Variants in SEC24A observed in about 807,000 individuals in gnomAD.
SEC24A encodes the protein protein transport protein Sec24A.
Under a neutral mutation model 129.4 loss-of-function variants are expected in SEC24A, and 93 were observed. That is an observed-to-expected ratio of 0.72 (90% confidence interval 0.61 to 0.85). The LOEUF is 0.85. Among genes scored for constraint, SEC24A ranks in the 40% least tolerant of loss-of-function variants. The pLI is 0.00. For synonymous variants in SEC24A, 460 were observed against 467.3 expected (o/e 0.98, Z 0.20); for missense variants, 1,264 against 1,307.4 (o/e 0.97, Z 0.51).
At chr5:134,668,576 A>C (rs1750747318) in intron 3 of SEC24A, among the ~76,000 whole-genome samples, 1 of 152,200 alleles carries the variant, frequency 6.6e-6, no homozygotes. Flanking sequence ...AAATATAAAA[A>C]TTAGCCGGGC....
intron 20 of SEC24A, among the ~76,000 whole-genome samples, chr5:134,720,349 A>G (rs1191934380): frequency 6.6e-6 from 1 of 152,228 alleles, no homozygotes; most frequent in Non-Finnish European, 1.5e-5. Context: ...TAGCCTAGGT[A>G]CAGTAGGCTA....
chr5:134,694,459 A>G (rs967447813), intron 13 of SEC24A, among the ~76,000 whole-genome samples: 3 of 152,056 alleles, frequency 2.0e-5, no homozygotes, highest in Non-Finnish European at 4.4e-5. Context: ...GGAGATCGAG[A>G]CCACGGTGAA....
chr5:134,693,619 T>G, intron 12 of SEC24A, 108 bp from the exon 13 acceptor site: 2 of 1,467,288 alleles, frequency 1.4e-6, no homozygotes, highest in Non-Finnish European at 1.8e-6. Flanking sequence ...CTGTAGATTC[T>G]CTGACCATCA....
Position 134,692,604 on chromosome 5 carries a change from G to A in SEC24A, c.1726G>A (p.Val576Ile). The change falls in exon 12 of 23, where the codon GTT becomes ATT. Residue 576 changes from valine to isoleucine, a missense_variant and splice_region_variant. Physicochemically the swap from Val to Ile is conservative, Grantham distance 29. Coordinates refer to ENST00000398844, the MANE Select transcript of SEC24A (RefSeq NM_021982.3). The stretch of plus-strand genomic sequence containing the variant: ...TAAATATGTATTTCTTCTTTCAGAT[G>A]TTTTTATACCTATGCCAGAGAACTT... ...QMLIVSDIED[V>I]FIPMPENLLV... 2 of 1,333,654 alleles carry A rather than the reference G, an allele frequency of 1.5e-6. No individual in the cohort carries two copies. The highest frequency in any genetic ancestry group is 2.3e-5 in the East Asian group (1 of 43,480). The allele number at this position is 1,333,654 out of a possible 1,614,324, so 82.6% of individuals were successfully genotyped here.
intron 1 of SEC24A, among the ~76,000 whole-genome samples, chr5:134,653,027 A>G (rs112279902): frequency 0.043 from 6,527 of 151,008 alleles, 295 homozygotes; most frequent in African/African-American, 0.12. Context: ...GGATGGTCTC[A>G]ATCTCCTGAC....
chr5:134,708,166 T>C (rs1752220952), intron 17 of SEC24A, among the ~76,000 whole-genome samples: 1 of 151,836 alleles, frequency 6.6e-6, no homozygotes, highest in Non-Finnish European at 1.5e-5. Context: ...GCTCTTTCTG[T>C]AAATGTAAAA....
chr5:134,701,596 C>T (rs963702854), intron 15 of SEC24A, among the ~76,000 whole-genome samples: 41 of 151,624 alleles, frequency 2.7e-4, no homozygotes, highest in African/African-American at 9.2e-4. Flanking sequence ...CTGCAACCTT[C>T]GCCTCCCGGG....
At chr5:134,670,049 C>T (rs1358448292) in intron 3 of SEC24A, among the ~76,000 whole-genome samples, 2 of 152,158 alleles carry the variant, frequency 1.3e-5, no homozygotes, top group African/African-American at 4.8e-5. Context: ...GCCTCAGTCT[C>T]CTGAGTAGCT....
At chr5:134,690,653 A>G (rs1462977266) in intron 11 of SEC24A, among the ~76,000 whole-genome samples, 1 of 152,182 alleles carries the variant, frequency 6.6e-6, no homozygotes, top group Non-Finnish European at 1.5e-5. Flanking sequence ...AAATATAGAA[A>G]TCTAGAAAGT....
At position 134,712,047 on chromosome 5, in the gene SEC24A, G is replaced by A. The variant is rs139473858; in HGVS notation, c.2728-2977G>A. Among the ~76,000 whole-genome samples, 503 of 151,404 alleles carry A rather than the reference G, an allele frequency of 3.3e-3. 3 individuals carry two copies. Among genetic ancestry groups the A allele is most frequent in the African/African-American group, 0.012 (481 of 41,294 alleles). Reference sequence around the variant, plus strand: ...CAGGCGTGAGCCACCGCGCCTGGCCGGTTTTGAACTCCTGACCTCAATGAT... The same window carrying A: ...CAGGCGTGAGCCACCGCGCCTGGCCAGTTTTGAACTCCTGACCTCAATGAT... On this transcript the variant is annotated intron_variant, in intron 18 of 22. Coordinates refer to ENST00000398844, the MANE Select transcript of SEC24A (RefSeq NM_021982.3).
At chr5:134,680,574 C>A (rs1325942708) in intron 8 of SEC24A, among the ~76,000 whole-genome samples, 1 of 152,094 alleles carries the variant, frequency 6.6e-6, no homozygotes, top group Non-Finnish European at 1.5e-5. Flanking sequence ...CTCAAGTGAT[C>A]TGCCCACCTC....
Position 134,675,139 on chromosome 5 carries a change from A to G in SEC24A, c.1073A>G (p.Asn358Ser). 2 of 1,613,878 alleles carry G rather than the reference A, an allele frequency of 1.2e-6. No individual in the cohort carries two copies. Among genetic ancestry groups the G allele is most frequent in the Non-Finnish European group, 1.7e-6 (2 of 1,179,836 alleles). ...GTTGTCAATCTTCTTCAAGAAAGAAACATGCTTCCGTCAACACCTTTGAAG... is the reference window on the plus strand; with the variant it reads ...GTTGTCAATCTTCTTCAAGAAAGAAGCATGCTTCCGTCAACACCTTTGAAG... ...LRVVNLLQER[N>S]MLPSTPLKPP... Residue 358 changes from asparagine to serine, a missense_variant, in exon 6 of 23, where the codon AAC becomes AGC. Transcript: ENST00000398844.
At position 134,678,204 on chromosome 5, in the gene SEC24A, T is replaced by G. The variant is rs113330887; in HGVS notation, c.1255-1398T>G. ...CTATACCCAGCTAAGACTTTAGAAC[T>G]TTTAATATGTAGGATAAACTTTAAC... On this transcript the variant is annotated intron_variant, in intron 7 of 22. Transcript: ENST00000398844. 3.7e-3 allele frequency among the ~76,000 whole-genome samples: 558 copies of G among 152,254 alleles called. 3 individuals carry two copies. Among genetic ancestry groups the G allele is most frequent in the African/African-American group, 0.013 (534 of 41,534 alleles).
chr5:134,688,078 A>G (rs1580713040), intron 10 of SEC24A, 103 bp from the exon 11 acceptor site: 7 of 763,166 alleles, frequency 9.2e-6, no homozygotes, highest in Middle Eastern at 2.7e-4. Flanking sequence ...GCCAATTTCT[A>G]TAATATTGAA....
chr5:134,672,700 C>T (rs1750909275), intron 4 of SEC24A, among the ~76,000 whole-genome samples: 2 of 151,608 alleles, frequency 1.3e-5, no homozygotes, highest in Non-Finnish European at 2.9e-5. Context: ...GAATTGGGAT[C>T]ATGGATTTAT....
upstream of SEC24A, chr5:134,648,720 T>G (rs1037504724): frequency 5.9e-6 from 1 of 168,790 alleles, no homozygotes; most frequent in African/African-American, 2.4e-5. Context: ...CGGCGGCTGC[T>G]GCGAGCCCGG....
At position 134,726,753 on chromosome 5, in the gene SEC24A, C is replaced by T. The variant is rs1312785536; in HGVS notation, c.*1659C>T. 1 of 152,052 alleles carries T rather than the reference C, an allele frequency of 6.6e-6. No individual in the cohort carries two copies. The highest frequency in any genetic ancestry group is 1.5e-5 in the Non-Finnish European group (1 of 67,970). 9.4% of individuals were successfully genotyped at this position (152,052 alleles called of 1,614,324 possible). On this transcript the variant is annotated 3_prime_UTR_variant, in exon 23 of 23. Coordinates refer to ENST00000398844, the MANE Select transcript of SEC24A (RefSeq NM_021982.3). ...CTTTTAAAGAAACAGTCGTTATATG[C>T]TGATGTTTCTTAAAATAACTAAAAT...
intron 21 of SEC24A, among the ~76,000 whole-genome samples, chr5:134,721,818 G>A (rs1022916121): frequency 2.0e-5 from 3 of 152,142 alleles, no homozygotes; most frequent in Non-Finnish European, 4.4e-5. Context: ...GCTGAAGTGA[G>A]CAGTGATTAT....
chr5:134,710,398 A>G (rs561983677), intron 18 of SEC24A, among the ~76,000 whole-genome samples: 3 of 151,564 alleles, frequency 2.0e-5, no homozygotes, highest in Admixed American at 2.0e-4. Flanking sequence ...CACCCCAGCT[A>G]ATTTTTGTAT....
Sources: gnomAD v4.1 joint callset for allele counts (sites outside exome capture counted in the v4.1 genomes callset) on GRCh38, gnomAD v4.1.1 for gene constraint, MANE v1.5 for transcripts, NCBI Gene and HGNC (gene_info 2026-07-23, HGNC 2026-07-21) for gene names.